The following RGP1 variants were observed in gnomAD, a reference collection of about 807,000 sequenced individuals.
RGP1 encodes RGP1 partner of RAB6A GEF complex.
RGP1 carries 28 observed loss-of-function variants against 44.5 expected under a neutral mutation model. That is an observed-to-expected ratio of 0.63 (90% CI 0.47 to 0.86). The LOEUF is 0.86. RGP1 is among the 40% of genes least tolerant of loss of function. The probability of loss-of-function intolerance (pLI) is 0.00; values close to 1 mark genes in which losing one functional copy is unlikely to be tolerated. For missense variants in RGP1, 417 were observed against 490.7 expected, an observed-to-expected ratio of 0.85 and a Z score of 1.42; for synonymous variants, 212 against 196.7, an observed-to-expected ratio of 1.08 and a Z score of -0.65.
Position 35,753,708 on chromosome 9 carries a change from C to T in RGP1, c.*834C>T, listed in dbSNP as rs1827310728. ...AGGATGCAGACAGGTGCAATGGAAA[C>T]AGTCCTTGCGGAGCCAAGACTCACC... On this transcript the variant is annotated 3_prime_UTR_variant, in exon 9 of 9. Transcript: ENST00000378078. This position sits in a 1 kb window ranked among gnomAD's most constrained non-coding sequence, Gnocchi z 4.2. The T allele has an allele frequency of 1.9e-6, 3 of 1,614,174 alleles. No individual in the cohort carries two copies. Among genetic ancestry groups the T allele is most frequent in the South Asian group, 2.2e-5 (2 of 91,080 alleles).
At chr9:35,785,373 G>A in the RGP1 span, among the ~76,000 whole-genome samples, 2 of 151,702 alleles carry the variant, frequency 1.3e-5, no homozygotes, top group South Asian at 2.1e-4. Flanking sequence ...AGGTGAAGGC[G>A]AGGGGTTTCT....
chr9:35,783,067 C>T, the RGP1 span, among the ~76,000 whole-genome samples: 2 of 152,170 alleles, frequency 1.3e-5, no homozygotes, highest in Non-Finnish European at 2.9e-5. Flanking sequence ...CCTCGGCCTC[C>T]CAAAGTGCTG....
intron 8 of RGP1, 147 bp from the exon 9 acceptor site, chr9:35,752,504 A>T (rs904667415): frequency 2.8e-6 from 2 of 723,890 alleles, no homozygotes; most frequent in Non-Finnish European, 2.3e-6. Flanking sequence ...CTTCAGAAAA[A>T]CCCTTAATCA....
rs1385444081 is a variant in RGP1 at position 35,749,702 on chromosome 9, G to A, written c.-19-35G>A. On this transcript the variant is annotated intron_variant, in intron 1 of 8. Coordinates refer to ENST00000378078, the MANE Select transcript of RGP1 (RefSeq NM_001080496.3). The surrounding 1 kb of genome is among the most constrained non-coding windows in gnomAD (Gnocchi z 4.4). ...TCACCGCAACGCCCCTCCCTGTCAA[G>A]GTGCTGACCTCCGCCCCGCCTTGTT... 2 of 1,316,930 alleles carry A rather than the reference G, an allele frequency of 1.5e-6. No homozygotes were observed. Among genetic ancestry groups the A allele is most frequent in the Non-Finnish European group, 1.1e-6 (1 of 919,006 alleles). 81.6% of individuals were successfully genotyped at this position (1,316,930 alleles called of 1,614,324 possible). A position where few individuals can be genotyped will look rare whatever the true frequency, so the allele number is the denominator to read the frequency against.
At position 35,751,616 on chromosome 9, in the gene RGP1, AT is replaced by A. The variant is rs1452000757; in HGVS notation, c.635-9del. 1.9e-6 allele frequency: 3 copies of A among 1,613,728 alleles called. No homozygotes were observed. The African/African-American group carries it at 4.0e-5, about 22-fold the overall frequency. On this transcript the variant is annotated splice_polypyrimidine_tract_variant and intron_variant, in intron 6 of 8. Transcript: ENST00000378078. ...GTAGACTCCAGGCTTATAGTGTCCT[AT>A]TCTCCCCAGATCTATACAATATCAG...
the RGP1 span, among the ~76,000 whole-genome samples, chr9:35,783,117 T>TTTTATTCA: frequency 2.6e-5 from 4 of 152,286 alleles, no homozygotes; most frequent in East Asian, 7.7e-4. Flanking sequence ...CCCTTAATTT[T>TTTTATTCA]TTTATTCATT....
the RGP1 span, among the ~76,000 whole-genome samples, chr9:35,777,229 A>T: frequency 7.1e-6 from 1 of 140,714 alleles, no homozygotes; most frequent in African/African-American, 2.7e-5. Flanking sequence ...TCCCAGGTTC[A>T]CACCTTTCTC....
Position 35,749,792 on chromosome 9 carries a change from G to A in RGP1, c.37G>A (p.Val13Ile). Residue 13 changes from valine to isoleucine, a missense_variant, in exon 2 of 9, where the codon GTA becomes ATA. Coordinates refer to ENST00000378078, the MANE Select transcript of RGP1 (RefSeq NM_001080496.3). The surrounding 1 kb of genome is among the most constrained non-coding windows in gnomAD (Gnocchi z 4.4). ...GGTAGCAGAGCTCAGCCGGGGTCCT[G>A]TATTTTTGGCTGGGGAGGCGCTGGA... ...EVVAELSRGP[V>I]FLAGEALECV... The A allele has an allele frequency of 6.2e-7, 1 of 1,613,934 alleles. No homozygotes were observed. The highest frequency in any genetic ancestry group is 1.1e-5 in the South Asian group (1 of 91,070).
At chr9:35,761,145 A>G (rs371890950), downstream of RGP1, among the ~76,000 whole-genome samples, 125 of 152,342 alleles carry the variant, frequency 8.2e-4, 2 homozygotes, top group African/African-American at 2.9e-3. Flanking sequence ...TTTGGTGATA[A>G]TTGAATTTGT....
At chr9:35,767,922 C>A in the RGP1 span, among the ~76,000 whole-genome samples, 1 of 152,044 alleles carries the variant, frequency 6.6e-6, no homozygotes, top group Admixed American at 6.6e-5. Flanking sequence ...TGTGCCTCAG[C>A]CTGAGTAGCT....
At chr9:35,776,576 C>T in the RGP1 span, among the ~76,000 whole-genome samples, 13 of 152,110 alleles carry the variant, frequency 8.5e-5, no homozygotes, top group Admixed American at 2.0e-4. Flanking sequence ...CATGAGCAAC[C>T]GCATCTGGCC....
At chr9:35,764,682 T>C in the RGP1 span, among the ~76,000 whole-genome samples, 1 of 152,208 alleles carries the variant, frequency 6.6e-6, no homozygotes, top group African/African-American at 2.4e-5. Flanking sequence ...CATTTACTCC[T>C]CACTCATTGC....
At chr9:35,772,201 G>C in the RGP1 span, 1 of 152,204 alleles carries the variant, frequency 6.6e-6, no homozygotes, top group Admixed American at 6.5e-5. Flanking sequence ...CATGGTTATG[G>C]ATTAACTCAC....
downstream of RGP1, among the ~76,000 whole-genome samples, chr9:35,761,781 A>T (rs1827419280): frequency 6.6e-6 from 1 of 152,224 alleles, no homozygotes; most frequent in Non-Finnish European, 1.5e-5. Context: ...TTTTTAAAGG[A>T]GGATCATCTG....
At chr9:35,782,592 C>G in the RGP1 span, among the ~76,000 whole-genome samples, 2 of 151,416 alleles carry the variant, frequency 1.3e-5, no homozygotes, top group African/African-American at 4.9e-5. Context: ...ATCACAGGCG[C>G]GTGCCATCGC....
At chr9:35,771,204 C>T in the RGP1 span, among the ~76,000 whole-genome samples, 51 of 152,160 alleles carry the variant, frequency 3.4e-4, no homozygotes, top group South Asian at 1.0e-2. Context: ...TTATAGTAAC[C>T]CCTCTGCTTG....
chr9:35,750,544 A>G (rs1827232370), intron 3 of RGP1, 114 bp from the exon 4 acceptor site: 2 of 1,331,572 alleles, frequency 1.5e-6, no homozygotes, highest in Non-Finnish European at 2.1e-6. Context: ...GACTATTCCC[A>G]TTTCACAGCA....
chr9:35,762,314 A>G (rs1274999483), downstream of RGP1, among the ~76,000 whole-genome samples: 1 of 152,184 alleles, frequency 6.6e-6, no homozygotes, highest in Admixed American at 6.5e-5. Flanking sequence ...AAGAACTTTT[A>G]TTTAGTGATG....
the RGP1 span, among the ~76,000 whole-genome samples, chr9:35,765,396 C>T: frequency 4.7e-4 from 72 of 152,248 alleles, no homozygotes; most frequent in African/African-American, 1.6e-3. Flanking sequence ...GTGGCTCATG[C>T]CTGTAATCCC....
Sources: allele counts gnomAD v4.1 joint callset (sites outside exome capture counted in the v4.1 genomes callset), GRCh38; gene constraint gnomAD v4.1.1; non-coding constraint Gnocchi (gnomAD v3.1); transcripts MANE v1.5; gene names NCBI Gene and HGNC (gene_info 2026-07-23, HGNC 2026-07-21).